Variants in PTPRG observed in about 807,000 individuals in gnomAD.
PTPRG encodes the protein protein tyrosine phosphatase receptor type G.
PTPRG carries 102 observed loss-of-function variants against 165.3 expected under a neutral mutation model. The ratio of observed to expected loss-of-function variants is 0.62; its 90% confidence interval spans 0.53 to 0.73. The LOEUF is 0.73. PTPRG is among the 30% of genes least tolerant of loss of function. The pLI, the probability that PTPRG is intolerant of heterozygous loss-of-function variation, is 0.00. For synonymous variants in PTPRG, 675 were observed against 669.5 expected (o/e 1.01, Z -0.13); for missense variants, 1,866 against 1,861.4 (o/e 1.00, Z -0.05).
intron 3 of PTPRG, among the ~76,000 whole-genome samples, chr3:61,998,499 G>A (rs2041092979): frequency 6.6e-6 from 1 of 152,198 alleles, no homozygotes; most frequent in Non-Finnish European, 1.5e-5. Flanking sequence ...AGGAACGAAG[G>A]CACCAAGAAG....
At chr3:61,946,777 T>C (rs2039769226) in intron 2 of PTPRG, among the ~76,000 whole-genome samples, 1 of 152,262 alleles carries the variant, frequency 6.6e-6, no homozygotes, top group Non-Finnish European at 1.5e-5. Flanking sequence ...TACTTTCAAC[T>C]CTCAGAGACC....
At chr3:62,032,346 A>C (rs929449875) in intron 4 of PTPRG, among the ~76,000 whole-genome samples, 3 of 152,230 alleles carry the variant, frequency 2.0e-5, no homozygotes, top group African/African-American at 7.2e-5. Context: ...CCTTTCCCCA[A>C]GCAATTGCTT....
intron 1 of PTPRG, among the ~76,000 whole-genome samples, chr3:61,564,994 T>C (rs1460925246): frequency 1.3e-5 from 2 of 152,236 alleles, no homozygotes; most frequent in Non-Finnish European, 2.9e-5. Flanking sequence ...ATAAAAATGC[T>C]TCTGTTTTGG....
intron 4 of PTPRG, among the ~76,000 whole-genome samples, chr3:62,077,788 T>G (rs966824474): frequency 2.0e-5 from 3 of 152,108 alleles, no homozygotes; most frequent in Admixed American, 6.5e-5. Context: ...CAGATCACTT[T>G]AGGTCAAGAG....
chr3:61,584,193 AG>A (rs5849433), intron 1 of PTPRG, among the ~76,000 whole-genome samples: 24,263 of 152,162 alleles, frequency 0.16, 2,351 homozygotes, highest in African/African-American at 0.26. Flanking sequence ...TAGAATCCTA[AG>A]GATCTGTAAG....
chr3:61,756,382 G>A (rs2033634425), intron 2 of PTPRG, among the ~76,000 whole-genome samples: 1 of 152,120 alleles, frequency 6.6e-6, no homozygotes. Flanking sequence ...GGTTCCAAGG[G>A]TAGATGGTGT....
intron 1 of PTPRG, among the ~76,000 whole-genome samples, chr3:61,582,456 G>C (rs148742239): frequency 1.3e-5 from 2 of 152,152 alleles, no homozygotes; most frequent in African/African-American, 4.8e-5. Context: ...GTTTCTCTAG[G>C]GGGGAATGGG....
chr3:61,724,356 G>A (rs939705782), intron 1 of PTPRG, among the ~76,000 whole-genome samples: 1 of 151,970 alleles, frequency 6.6e-6, no homozygotes, highest in Admixed American at 6.6e-5. Context: ...GTAGTATTCT[G>A]TGGCATGGAT....
At chr3:61,742,586 T>C (rs568218604) in intron 1 of PTPRG, 1 of 1,595,684 alleles carries the variant, frequency 6.3e-7, no homozygotes, top group Non-Finnish European at 8.5e-7. Flanking sequence ...TCATCGGCTG[T>C]CATCTTCACG....
chr3:61,828,656 G>A (rs2036180126), intron 2 of PTPRG, among the ~76,000 whole-genome samples: 1 of 152,188 alleles, frequency 6.6e-6, no homozygotes, highest in South Asian at 2.1e-4. Flanking sequence ...ACTACACATG[G>A]TTGGCGTCGG....
chr3:61,904,667 G>C (rs2038595925), intron 2 of PTPRG, among the ~76,000 whole-genome samples: 1 of 152,118 alleles, frequency 6.6e-6, no homozygotes, highest in African/African-American at 2.4e-5. Context: ...TTGTTACTCA[G>C]AATTTAATGT....
chr3:61,992,513 C>A (rs1025568587), intron 3 of PTPRG, among the ~76,000 whole-genome samples: 2 of 152,106 alleles, frequency 1.3e-5, no homozygotes, highest in Admixed American at 1.3e-4. Flanking sequence ...ACAGCCACCT[C>A]CATGCCCGGC....
chr3:61,854,842 G>T (rs560707296), intron 2 of PTPRG, among the ~76,000 whole-genome samples: 15 of 152,140 alleles, frequency 9.9e-5, no homozygotes, highest in South Asian at 2.1e-4. Context: ...TGATAGAGAA[G>T]GTTCCGTTAT....
chr3:61,968,466 C>A (rs1559719103), intron 2 of PTPRG, among the ~76,000 whole-genome samples: 2 of 152,116 alleles, frequency 1.3e-5, no homozygotes, highest in Non-Finnish European at 1.5e-5. Context: ...TAGATTCCCA[C>A]ATGTAGACTC....
chr3:61,663,431 GATAA>G (rs1702721035), intron 1 of PTPRG, among the ~76,000 whole-genome samples: 1 of 152,232 alleles, frequency 6.6e-6, no homozygotes, highest in South Asian at 2.1e-4. Flanking sequence ...GTACAGTGGG[GATAA>G]ATAACCCCTA....
chr3:62,204,220 A>G (rs1472456552), intron 12 of PTPRG, among the ~76,000 whole-genome samples: 4 of 152,190 alleles, frequency 2.6e-5, no homozygotes, highest in Middle Eastern at 3.2e-3. Flanking sequence ...CAACCAGGCA[A>G]TGATATACAT....
intron 2 of PTPRG, among the ~76,000 whole-genome samples, chr3:61,861,785 A>G (rs1021323785): frequency 6.6e-5 from 10 of 152,192 alleles, no homozygotes; most frequent in African/African-American, 2.4e-4. Context: ...CTGCTACAGT[A>G]GGGCACTTAA....
At chr3:61,955,770 C>T (rs2040013234) in intron 2 of PTPRG, among the ~76,000 whole-genome samples, 1 of 152,024 alleles carries the variant, frequency 6.6e-6, no homozygotes, top group Admixed American at 6.6e-5. Context: ...TAATAGCATT[C>T]GTAGGCACAC....
intron 4 of PTPRG, among the ~76,000 whole-genome samples, chr3:62,005,084 C>A (rs112189974): frequency 0.016 from 2,389 of 152,308 alleles, 27 homozygotes; most frequent in Non-Finnish European, 0.025. Flanking sequence ...TTCTTATCCA[C>A]TGTTCCTGGA....
Sources: allele counts gnomAD v4.1 joint callset (sites outside exome capture counted in the v4.1 genomes callset), GRCh38; gene constraint gnomAD v4.1.1; transcripts MANE v1.5; gene names NCBI Gene and HGNC (gene_info 2026-07-23, HGNC 2026-07-21).